Variants in FARS2 observed in about 807,000 individuals in gnomAD.
FARS2 encodes the protein phenylalanine--tRNA ligase, mitochondrial.
A neutral mutation model predicts 46.4 loss-of-function variants in FARS2; 40 were observed. That is an observed-to-expected ratio of 0.86 (90% CI 0.67 to 1.12). The LOEUF is 1.12. Among genes scored for constraint, FARS2 ranks in the 50% most tolerant of loss-of-function variants. FARS2 has a pLI of 0.00. For synonymous variants in FARS2, 234 were observed against 214.9 expected, an observed-to-expected ratio of 1.09 and a Z score of -0.78; for missense variants, 513 against 567.9, an observed-to-expected ratio of 0.90 and a Z score of 0.98.
intron 6 of FARS2, among the ~76,000 whole-genome samples, chr6:5,623,698 C>T (rs4960112): frequency 0.2 from 29,437 of 147,884 alleles, 3,591 homozygotes; most frequent in Admixed American, 0.31. Context: ...GGTGACAGAG[C>T]GAGACTGTGT....
chr6:5,718,551 A>T (rs1759673506), intron 6 of FARS2, among the ~76,000 whole-genome samples: 1 of 152,234 alleles, frequency 6.6e-6, no homozygotes, highest in Admixed American at 6.5e-5. Context: ...TAACTTACAT[A>T]TACACACAAG....
At chr6:5,571,620 CG>C (rs1217508676) in intron 5 of FARS2, among the ~76,000 whole-genome samples, 1 of 152,182 alleles carries the variant, frequency 6.6e-6, no homozygotes, top group Non-Finnish European at 1.5e-5. Flanking sequence ...CTCTAGCACC[CG>C]GCTGGGGTTC....
At chr6:5,538,382 A>C (rs536436662) in intron 4 of FARS2, among the ~76,000 whole-genome samples, 2 of 152,322 alleles carry the variant, frequency 1.3e-5, no homozygotes, top group African/African-American at 4.8e-5. Context: ...CAAAGAGGAA[A>C]TGCGGATAAG....
intron 1 of FARS2, among the ~76,000 whole-genome samples, chr6:5,335,743 T>C (rs1418359617): frequency 6.6e-6 from 1 of 152,168 alleles, no homozygotes; most frequent in African/African-American, 2.4e-5. Context: ...TTTGGAGAAA[T>C]TGTGTGACCA....
At chr6:5,644,354 A>C (rs534115851) in intron 6 of FARS2, among the ~76,000 whole-genome samples, 2 of 152,236 alleles carry the variant, frequency 1.3e-5, no homozygotes, top group Admixed American at 6.5e-5. Flanking sequence ...CTGAGACTAC[A>C]GGTGCGCACC....
Position 5,338,047 on chromosome 6 carries a change from T to G in FARS2, c.-21-30503T>G, listed in dbSNP as rs900596792. Among the ~76,000 whole-genome samples, 7 of 152,336 alleles carry G rather than the reference T, an allele frequency of 4.6e-5. 1 individual carries two copies. The highest frequency in any genetic ancestry group is 3.3e-4 in the Admixed American group (5 of 15,306). On this transcript the variant is annotated intron_variant, in intron 1 of 6. Coordinates refer to ENST00000274680, the MANE Select transcript of FARS2 (RefSeq NM_006567.5). ...TTTTAAAATAGATAATTGTATATTTTTGTCCTTTTTCTGTTTCTGGATGGA... is the reference window on the plus strand; with the variant it reads ...TTTTAAAATAGATAATTGTATATTTGTGTCCTTTTTCTGTTTCTGGATGGA...
chr6:5,333,996 T>C (rs1476209587), intron 1 of FARS2, among the ~76,000 whole-genome samples: 2 of 152,206 alleles, frequency 1.3e-5, no homozygotes, highest in Non-Finnish European at 2.9e-5. Flanking sequence ...TTGATGCCTG[T>C]CCTCTTGTTA....
Position 5,471,851 on chromosome 6 carries a change from T to C in FARS2, c.904+40679T>C, listed in dbSNP as rs1487220712. 6.6e-6 allele frequency among the ~76,000 whole-genome samples: 1 copy of C among 152,150 alleles called. No homozygotes were observed. Among genetic ancestry groups the C allele is most frequent in the Non-Finnish European group, 1.5e-5 (1 of 68,022 alleles). On this transcript the variant is annotated intron_variant, in intron 4 of 6. Coordinates refer to ENST00000274680, the MANE Select transcript of FARS2 (RefSeq NM_006567.5). This position sits in a 1 kb window ranked among gnomAD's most constrained non-coding sequence, Gnocchi z 4.1. ...TGAGCCCAGGGAAGCTGCAGTGTGG[T>C]GCAGCAGATGCGTACTGGTGGTTGC...
At chr6:5,278,076 G>C (rs1053395541) in intron 1 of FARS2, among the ~76,000 whole-genome samples, 2 of 152,178 alleles carry the variant, frequency 1.3e-5, no homozygotes, top group Non-Finnish European at 2.9e-5. Flanking sequence ...GCAGCTGACT[G>C]TTGACGTTTT....
intron 5 of FARS2, among the ~76,000 whole-genome samples, chr6:5,572,088 G>A (rs1480658141): frequency 1.3e-5 from 2 of 152,132 alleles, no homozygotes; most frequent in African/African-American, 4.8e-5. Context: ...GCCTGTAGTA[G>A]GTCATTCTTG....
At chr6:5,549,045 A>G (rs1327863781) in intron 5 of FARS2, among the ~76,000 whole-genome samples, 1 of 152,210 alleles carries the variant, frequency 6.6e-6, no homozygotes, top group Non-Finnish European at 1.5e-5. Flanking sequence ...AGCTTAAAAC[A>G]ACATGTATTT....
chr6:5,494,284 A>G (rs1767313678), intron 4 of FARS2, among the ~76,000 whole-genome samples: 1 of 152,196 alleles, frequency 6.6e-6, no homozygotes, highest in Admixed American at 6.5e-5. Context: ...CTTCAAAGAA[A>G]GCAGCAGCCC....
the FARS2 span, among the ~76,000 whole-genome samples, chr6:5,250,241 C>T: frequency 1.3e-5 from 2 of 151,784 alleles, no homozygotes; most frequent in East Asian, 1.9e-4. Flanking sequence ...TTTAAAAATG[C>T]TTTAAAGGCC....
chr6:5,769,864 A>G, intron 6 of FARS2, among the ~76,000 whole-genome samples: 1 of 152,222 alleles, frequency 6.6e-6, no homozygotes. Flanking sequence ...TGTGAGGCAC[A>G]GCATAGCAGC....
At chr6:5,493,918 C>T (rs1237914500) in intron 4 of FARS2, among the ~76,000 whole-genome samples, 2 of 152,078 alleles carry the variant, frequency 1.3e-5, no homozygotes, top group Non-Finnish European at 2.9e-5. Context: ...ATGGCATACC[C>T]CTCTATATTA....
intron 4 of FARS2, among the ~76,000 whole-genome samples, chr6:5,473,165 G>T (rs1462559136): frequency 1.3e-5 from 2 of 152,054 alleles, no homozygotes; most frequent in African/African-American, 4.8e-5. Flanking sequence ...GTTGTGACAC[G>T]AATCAGCACA....
intron 6 of FARS2, among the ~76,000 whole-genome samples, chr6:5,697,430 T>C (rs1270062716): frequency 6.6e-6 from 1 of 152,218 alleles, no homozygotes. Context: ...AAGCCATCAT[T>C]GCATAAAACT....
chr6:5,348,307 C>T (rs1267351776), intron 1 of FARS2, among the ~76,000 whole-genome samples: 2 of 151,772 alleles, frequency 1.3e-5, no homozygotes, highest in Non-Finnish European at 2.9e-5. Context: ...CTAGTCTTTA[C>T]ATTTAGGTCT....
chr6:5,702,565 G>C (rs1287200793), intron 6 of FARS2, among the ~76,000 whole-genome samples: 1 of 152,160 alleles, frequency 6.6e-6, no homozygotes, highest in African/African-American at 2.4e-5. Context: ...TAATTTAATG[G>C]ATTAGTGTAG....
Sources: allele counts gnomAD v4.1 joint callset (sites outside exome capture counted in the v4.1 genomes callset), GRCh38; gene constraint gnomAD v4.1.1; non-coding constraint Gnocchi (gnomAD v3.1); transcripts MANE v1.5; gene names NCBI Gene and HGNC (gene_info 2026-07-23, HGNC 2026-07-21).